ARHGAP6: variants seen among roughly 807,000 people sequenced by gnomAD.
The protein encoded by ARHGAP6 is rho GTPase-activating protein 6.
A neutral mutation model predicts 55.7 loss-of-function variants in ARHGAP6; 16 were observed. That is an observed-to-expected ratio of 0.29 (90% CI 0.19 to 0.44). The LOEUF is 0.44. Among genes scored for constraint, ARHGAP6 ranks in the 20% least tolerant of loss-of-function variants. ARHGAP6 has a pLI of 1.00. For synonymous variants in ARHGAP6, 382 were observed against 360.9 expected (o/e 1.06, Z -0.66); for missense variants, 698 against 808.9 (o/e 0.86, Z 1.66).
At chrX:11,155,589 C>T (rs1279433532) in intron 10 of ARHGAP6, among the ~76,000 whole-genome samples, 3 of 111,762 alleles carry the variant, frequency 2.7e-5, no homozygotes, top group African/African-American at 9.8e-5. Flanking sequence ...TACGGGATTA[C>T]GTTAGGAGCT....
chrX:11,200,973 AG>A (rs1234478177), intron 2 of ARHGAP6, among the ~76,000 whole-genome samples: 5 of 112,223 alleles, frequency 4.5e-5, no homozygotes, highest in Non-Finnish European at 7.5e-5. Context: ...AGAGGGTATG[AG>A]GGACTCTTCC....
intron 1 of ARHGAP6, among the ~76,000 whole-genome samples, chrX:11,325,956 A>C (rs1028460779): frequency 1.8e-5 from 2 of 111,629 alleles, no homozygotes; most frequent in African/African-American, 6.5e-5. Flanking sequence ...ATCTGCCCCC[A>C]AATGTCAATA....
At chrX:11,515,654 T>C (rs1431673582) in intron 1 of ARHGAP6, among the ~76,000 whole-genome samples, 1 of 112,392 alleles carries the variant, frequency 8.9e-6, no homozygotes, top group Non-Finnish European at 1.9e-5. Flanking sequence ...TTCTAAAACA[T>C]ATTTTTTATT....
intron 1 of ARHGAP6, among the ~76,000 whole-genome samples, chrX:11,484,700 CT>C (rs1218861209): frequency 1.8e-5 from 2 of 111,896 alleles, no homozygotes; most frequent in Non-Finnish European, 3.8e-5. Context: ...CATTAAGTAT[CT>C]GTTGAGCCCC....
At chrX:11,315,218 G>C (rs376319902) in intron 1 of ARHGAP6, among the ~76,000 whole-genome samples, 2 of 112,486 alleles carry the variant, frequency 1.8e-5, no homozygotes, top group African/African-American at 6.5e-5. Context: ...CCAGGGACCG[G>C]TTTTGTGGAA....
At chrX:11,212,570 C>T (rs895406172) in intron 2 of ARHGAP6, among the ~76,000 whole-genome samples, 1 of 112,396 alleles carries the variant, frequency 8.9e-6, no homozygotes, top group African/African-American at 3.2e-5. Flanking sequence ...AGAGCCCCTG[C>T]AGATATCACA....
intron 1 of ARHGAP6, among the ~76,000 whole-genome samples, chrX:11,577,598 G>A (rs998107079): frequency 8.9e-6 from 1 of 111,786 alleles, no homozygotes. Context: ...GTGTGTCTAG[G>A]AAATACATAG....
At chrX:11,380,742 C>T (rs1303055596) in intron 1 of ARHGAP6, among the ~76,000 whole-genome samples, 1 of 111,956 alleles carries the variant, frequency 8.9e-6, no homozygotes, top group Non-Finnish European at 1.9e-5. Context: ...GCACTACTGA[C>T]ATCTGGACCA....
In ARHGAP6 at chrX:11,461,542, A is replaced by T. The variant is rs1288300654; in HGVS notation, c.588+202699T>A. On this transcript the variant is annotated intron_variant, in intron 1 of 12. Coordinates refer to ENST00000337414, the MANE Select transcript of ARHGAP6 (RefSeq NM_013427.3). The stretch of plus-strand genomic sequence containing the variant: ...CTTGCTGGACACTCAGTAGAACCTC[A>T]GACACTTTGTTTACTGAATGAATAC... 1.1e-4 allele frequency among the ~76,000 whole-genome samples: 12 copies of T among 111,952 alleles called. No individual in the cohort carries two copies. The Admixed American group carries it at 1.1e-3, about 11-fold the overall frequency.
chrX:11,478,465 T>G (rs2050425002), intron 1 of ARHGAP6, among the ~76,000 whole-genome samples: 1 of 112,134 alleles, frequency 8.9e-6, no homozygotes, highest in South Asian at 3.7e-4. Context: ...TATATGGATT[T>G]CAAAAACAGG....
chrX:11,595,931 G>T (rs185464835), intron 1 of ARHGAP6, among the ~76,000 whole-genome samples: 149 of 112,141 alleles, frequency 1.3e-3, no homozygotes, highest in African/African-American at 4.7e-3. Context: ...AACAGATGCT[G>T]GAAAGGATGT....
intron 1 of ARHGAP6, among the ~76,000 whole-genome samples, chrX:11,628,961 T>G (rs1165367545): frequency 9.3e-6 from 1 of 107,421 alleles, no homozygotes; most frequent in Non-Finnish European, 1.9e-5. Context: ...TACTGTCATA[T>G]GATCATCCCC....
chrX:11,211,005 T>C (rs1338281725), intron 2 of ARHGAP6, among the ~76,000 whole-genome samples: 2 of 111,942 alleles, frequency 1.8e-5, no homozygotes, highest in South Asian at 7.4e-4. Flanking sequence ...AGTGTTGATA[T>C]CTACTGAAAA....
intron 1 of ARHGAP6, among the ~76,000 whole-genome samples, chrX:11,606,559 G>T (rs1234769499): frequency 9.0e-6 from 1 of 111,308 alleles, no homozygotes; most frequent in East Asian, 2.8e-4. Context: ...TCCTGATAGG[G>T]TCACATCATT....
chrX:11,415,915 C>T (rs901037555), intron 1 of ARHGAP6, among the ~76,000 whole-genome samples: 4 of 111,786 alleles, frequency 3.6e-5, no homozygotes, highest in Middle Eastern at 4.6e-3. Context: ...CCACTAGGAT[C>T]CGTGATGGTT....
chrX:11,579,488 A>T (rs2051640203), intron 1 of ARHGAP6, among the ~76,000 whole-genome samples: 1 of 112,257 alleles, frequency 8.9e-6, no homozygotes, highest in Non-Finnish European at 1.9e-5. Flanking sequence ...AACTTTATCA[A>T]TGTGTGTACA....
chrX:11,557,517 G>A (rs1601642324), intron 1 of ARHGAP6, among the ~76,000 whole-genome samples: 1 of 108,337 alleles, frequency 9.2e-6, no homozygotes, highest in East Asian at 2.9e-4. Flanking sequence ...AAGACCCAAA[G>A]AAAAAATTCC....
chrX:11,453,378 A>G (rs1433920184), intron 1 of ARHGAP6, among the ~76,000 whole-genome samples: 5 of 105,113 alleles, frequency 4.8e-5, no homozygotes, highest in Non-Finnish European at 9.7e-5. Flanking sequence ...CAGAATGTTA[A>G]AGATCTTCTG....
At chrX:11,325,057 A>G in intron 1 of ARHGAP6, among the ~76,000 whole-genome samples, 1 of 111,348 alleles carries the variant, frequency 9.0e-6, no homozygotes, top group South Asian at 3.8e-4. Flanking sequence ...ACGGGGTTTC[A>G]CCTTGTTAGC....
Sources: allele counts gnomAD v4.1 joint callset (sites outside exome capture counted in the v4.1 genomes callset), GRCh38; gene constraint gnomAD v4.1.1; transcripts MANE v1.5; gene names NCBI Gene and HGNC (gene_info 2026-07-23, HGNC 2026-07-21).